RNU5D-1: variants seen among roughly 807,000 people sequenced by gnomAD.
RNU5D-1 encodes RNA, U5D small nuclear 1.
exon 1 of RNU5D-1, chr1:44,731,128 A>T (rs577441822): frequency 1.3e-5 from 2 of 151,912 alleles, no homozygotes; most frequent in Admixed American, 6.6e-5. Context: ...AATCTTTAGT[A>T]AAAGGCGAAA....
chr1:44,731,106 T>TA (rs1648456195), exon 1 of RNU5D-1: 1 of 151,920 alleles, frequency 6.6e-6, no homozygotes, highest in South Asian at 2.1e-4. Flanking sequence ...CAAAACGGTT[T>TA]CTCTCCACGG....
exon 1 of RNU5D-1, chr1:44,731,085 T>G (rs563698558): frequency 1.3e-5 from 2 of 152,082 alleles, no homozygotes; most frequent in African/African-American, 2.4e-5. Context: ...TCAAAAAATT[T>G]GCTTGAAACT....
exon 1 of RNU5D-1, chr1:44,731,135 G>C (rs116085141): frequency 6.6e-6 from 1 of 151,746 alleles, no homozygotes; most frequent in Admixed American, 6.6e-5. Flanking sequence ...AGTAAAAGGC[G>C]AAAGATTTAT....
At chr1:44,731,093 A>T (rs995947840) in exon 1 of RNU5D-1, 1 of 151,906 alleles carries the variant, frequency 6.6e-6, no homozygotes, top group African/African-American at 2.4e-5. Context: ...TTTGCTTGAA[A>T]CTCAAAACGG....
chr1:44,731,159 A>G (rs553705318), exon 1 of RNU5D-1: 2 of 144,918 alleles, frequency 1.4e-5, no homozygotes, highest in African/African-American at 2.6e-5. Flanking sequence ...ATTTGAAGAG[A>G]AACCAGAGCA....
At chr1:44,731,102 GGTTTCTC>G (rs1557581999) in exon 1 of RNU5D-1, 1 of 151,744 alleles carries the variant, frequency 6.6e-6, no homozygotes, top group African/African-American at 2.4e-5. Context: ...AACTCAAAAC[GGTTTCTC>G]TCCACGGAAA....
chr1:44,731,166 A>G (rs564473394), exon 1 of RNU5D-1: 4 of 151,966 alleles, frequency 2.6e-5, no homozygotes, highest in Non-Finnish European at 5.9e-5. Context: ...GAGAAACCAG[A>G]GCATGTGTTG....
At chr1:44,731,158 G>C (rs181916265) in exon 1 of RNU5D-1, 10 of 151,878 alleles carry the variant, frequency 6.6e-5, no homozygotes, top group East Asian at 5.8e-4. Context: ...GATTTGAAGA[G>C]AAACCAGAGC....
At chr1:44,731,108 T>TC (rs1157765525) in exon 1 of RNU5D-1, 9 of 152,058 alleles carry the variant, frequency 5.9e-5, no homozygotes, top group South Asian at 4.2e-4. Context: ...AAACGGTTTC[T>TC]CTCCACGGAA....
chr1:44,731,093 A>C (rs995947840), exon 1 of RNU5D-1: 2 of 151,906 alleles, frequency 1.3e-5, no homozygotes, highest in African/African-American at 2.4e-5. Flanking sequence ...TTTGCTTGAA[A>C]CTCAAAACGG....
At chr1:44,731,117 A>C (rs562494842) in exon 1 of RNU5D-1, 12 of 152,096 alleles carry the variant, frequency 7.9e-5, no homozygotes, top group African/African-American at 2.9e-4. Context: ...CTCTCCACGG[A>C]AATCTTTAGT....
chr1:44,731,098 A>ACTCAG (rs1648454610), exon 1 of RNU5D-1: 1 of 151,752 alleles, frequency 6.6e-6, no homozygotes. Context: ...TTGAAACTCA[A>ACTCAG]AACGGTTTCT....
At chr1:44,731,083 T>G (rs948845541) in exon 1 of RNU5D-1, 2 of 151,994 alleles carry the variant, frequency 1.3e-5, no homozygotes, top group Non-Finnish European at 2.9e-5. Flanking sequence ...CTTCAAAAAA[T>G]TTGCTTGAAA....
At chr1:44,731,075 T>C (rs975424831) in exon 1 of RNU5D-1, 5 of 152,092 alleles carry the variant, frequency 3.3e-5, no homozygotes, top group Non-Finnish European at 5.9e-5. Flanking sequence ...ACATAGGGCT[T>C]CAAAAAATTT....
At chr1:44,731,092 A>C (rs1169542765) in exon 1 of RNU5D-1, 1 of 152,046 alleles carries the variant, frequency 6.6e-6, no homozygotes, top group Non-Finnish European at 1.5e-5. Context: ...ATTTGCTTGA[A>C]ACTCAAAACG....
exon 1 of RNU5D-1, chr1:44,731,111 C>A (rs372141323): frequency 2.6e-5 from 4 of 151,944 alleles, no homozygotes; most frequent in Non-Finnish European, 4.4e-5. Flanking sequence ...CGGTTTCTCT[C>A]CACGGAAATC....
exon 1 of RNU5D-1, chr1:44,731,083 T>C (rs948845541): frequency 4.2e-4 from 64 of 151,990 alleles, no homozygotes; most frequent in African/African-American, 2.7e-4. Context: ...CTTCAAAAAA[T>C]TTGCTTGAAA....
At position 44,731,076 on chromosome 1, in the gene RNU5D-1, C is replaced by A. The variant is rs76973380; in HGVS notation, n.95G>T. The A allele has an allele frequency of 1.9e-3, 289 of 152,058 alleles. 3 individuals are homozygous for A. The highest frequency in any genetic ancestry group is 6.5e-3 in the African/African-American group (268 of 41,474). The allele number at this position is 152,058 out of a possible 1,614,324, so 9.4% of individuals were successfully genotyped here. A position where few individuals can be genotyped will look rare whatever the true frequency, so the allele number is the denominator to read the frequency against. ...GATGAACCCCACCAACATAGGGCTT[C>A]AAAAAATTTGCTTGAAACTCAAAAC... On this transcript the variant is annotated non_coding_transcript_exon_variant, in exon 1 of 1. Coordinates refer to ENST00000363299, the Ensembl canonical transcript of RNU5D-1.
exon 1 of RNU5D-1, chr1:44,731,135 G>GA (rs1557582081): frequency 1.3e-5 from 2 of 151,864 alleles, no homozygotes; most frequent in African/African-American, 2.4e-5. Context: ...AGTAAAAGGC[G>GA]AAAGATTTAT....
Sources: allele counts gnomAD v4.1 joint callset, GRCh38; gene constraint gnomAD v4.1.1; transcripts MANE v1.5; gene names NCBI Gene and HGNC (gene_info 2026-07-23, HGNC 2026-07-21).